Variants in XKR4 observed in about 807,000 individuals in gnomAD.
XKR4 encodes the protein XK-related protein 4.
Under a neutral mutation model 53.9 loss-of-function variants are expected in XKR4, and 12 were observed. The ratio of observed to expected loss-of-function variants is 0.22; its 90% confidence interval spans 0.14 to 0.36. XKR4 has a LOEUF of 0.36. Among genes scored for constraint, XKR4 ranks in the 10% least tolerant of loss-of-function variants. The probability of loss-of-function intolerance (pLI) is 1.00; values close to 1 mark genes in which losing one functional copy is unlikely to be tolerated. For missense variants in XKR4, 799 were observed against 859.5 expected, an observed-to-expected ratio of 0.93 and a Z score of 0.88; for synonymous variants, 354 against 362.4, an observed-to-expected ratio of 0.98 and a Z score of 0.26.
At chr8:55,298,147 T>A (rs1446427553) in intron 1 of XKR4, among the ~76,000 whole-genome samples, 1 of 152,154 alleles carries the variant, frequency 6.6e-6, no homozygotes, top group African/African-American at 2.4e-5. Context: ...AAAATAATGA[T>A]GACAGAATCT....
chr8:55,336,252 A>G (rs910553331), intron 1 of XKR4, among the ~76,000 whole-genome samples: 1 of 151,880 alleles, frequency 6.6e-6, no homozygotes, highest in Non-Finnish European at 1.5e-5. Context: ...ACAAGATCTG[A>G]TGGGTTTATC....
chr8:55,510,317 A>C (rs915876137), intron 2 of XKR4, among the ~76,000 whole-genome samples: 13 of 152,158 alleles, frequency 8.5e-5, no homozygotes, highest in Non-Finnish European at 1.8e-4. Flanking sequence ...TCCAGGCAGA[A>C]GGTGGACGAG....
intron 2 of XKR4, among the ~76,000 whole-genome samples, chr8:55,359,232 G>T (rs1006170994): frequency 2.6e-5 from 4 of 152,210 alleles, no homozygotes; most frequent in Non-Finnish European, 5.9e-5. Context: ...GCGTCTGGTG[G>T]TTGAAGACCA....
At chr8:55,479,718 T>A (rs1806067599) in intron 2 of XKR4, among the ~76,000 whole-genome samples, 1 of 152,112 alleles carries the variant, frequency 6.6e-6, no homozygotes, top group South Asian at 2.1e-4. Context: ...AAAGGGGATA[T>A]CACCACCAAT....
At chr8:55,304,423 G>T (rs571795628) in intron 1 of XKR4, among the ~76,000 whole-genome samples, 7 of 152,220 alleles carry the variant, frequency 4.6e-5, no homozygotes, top group Admixed American at 3.9e-4. Context: ...CCAACTATGT[G>T]GTCAATTTTG....
chr8:55,118,380 T>G (rs1816339143), intron 1 of XKR4, among the ~76,000 whole-genome samples: 1 of 152,174 alleles, frequency 6.6e-6, no homozygotes, highest in Non-Finnish European at 1.5e-5. Context: ...CCCACATATG[T>G]TCATGAATTA....
rs566080435 is a variant in XKR4 at position 55,491,147 on chromosome 8, T to C, written c.1007-32134T>C. 8.9e-4 allele frequency among the ~76,000 whole-genome samples: 135 copies of C among 152,350 alleles called. 1 individual carries two copies. Among genetic ancestry groups the C allele is most frequent in the African/African-American group, 3.2e-3 (133 of 41,586 alleles). ...TCCAGTGTATTTTTTATTTCTGATA[T>C]AACATTTTTCACCTTTAAAGTTTCA... On this transcript the variant is annotated intron_variant, in intron 2 of 2. Coordinates refer to ENST00000327381, the MANE Select transcript of XKR4 (RefSeq NM_052898.2).
chr8:55,113,418 C>T (rs180756215), intron 1 of XKR4, among the ~76,000 whole-genome samples: 301 of 152,208 alleles, frequency 2.0e-3, no homozygotes, highest in African/African-American at 7.0e-3. Flanking sequence ...GTAGGAAAAT[C>T]GTACTGACCT....
rs1193805696 is a variant in XKR4 at position 55,213,865 on chromosome 8, T to C, written c.806+110571T>C. On this transcript the variant is annotated intron_variant, in intron 1 of 2. Coordinates refer to ENST00000327381, the MANE Select transcript of XKR4 (RefSeq NM_052898.2). ...CTTTTTTTCTTTCTTTCTTTTTTTT[T>C]TTTTTTTTTTTTTTTTTTGAGACGA... 3.2e-4 allele frequency among the ~76,000 whole-genome samples: 42 copies of C among 132,938 alleles called. 2 individuals are homozygous for C. Among genetic ancestry groups the C allele is most frequent in the Non-Finnish European group, 4.2e-4 (26 of 61,956 alleles). The allele number at this position is 132,938 out of a possible 152,430, so 87.2% of individuals were successfully genotyped here. A position where few individuals can be genotyped will look rare whatever the true frequency, so the allele number is the denominator to read the frequency against.
chr8:55,289,676 AG>A lies in XKR4; in HGVS notation c.807-68001del, dbSNP rs869223676. Among the ~76,000 whole-genome samples, 51 of 47,228 alleles carry A rather than the reference AG, an allele frequency of 1.1e-3. 1 individual carries two copies. The highest frequency in any genetic ancestry group is 1.5e-3 in the African/African-American group (39 of 25,346). 31.0% of individuals were successfully genotyped at this position (47,228 alleles called of 152,430 possible). On this transcript the variant is annotated intron_variant, in intron 1 of 2. Coordinates refer to ENST00000327381, the MANE Select transcript of XKR4 (RefSeq NM_052898.2). ...AAGGAAGGAAAAGAAAAGAAAAGAAAGAGAAAGAAAGAAAGAAAGAGAAAGA... is the reference window on the plus strand; with the variant it reads ...AAGGAAGGAAAAGAAAAGAAAAGAAAAGAAAGAAAGAAAGAAAGAGAAAGA...
chr8:55,376,806 C>T (rs892703038), intron 2 of XKR4, among the ~76,000 whole-genome samples: 1 of 152,060 alleles, frequency 6.6e-6, no homozygotes, highest in Non-Finnish European at 1.5e-5. Flanking sequence ...GCACTGAGTG[C>T]ATATCATTAA....
At chr8:55,130,206 A>G (rs539051793) in intron 1 of XKR4, among the ~76,000 whole-genome samples, 137 of 151,926 alleles carry the variant, frequency 9.0e-4, no homozygotes, top group African/African-American at 3.2e-3. Flanking sequence ...AAAAAAGCTA[A>G]TAAATAGGTA....
At chr8:55,448,892 TAAAG>T (rs1318614863) in intron 2 of XKR4, among the ~76,000 whole-genome samples, 7 of 152,068 alleles carry the variant, frequency 4.6e-5, no homozygotes, top group African/African-American at 1.7e-4. Context: ...TAAAGAAAAA[TAAAG>T]AGAGTGTTAC....
chr8:55,440,169 A>C (rs1319891184), intron 2 of XKR4, among the ~76,000 whole-genome samples: 4 of 152,188 alleles, frequency 2.6e-5, no homozygotes, highest in Admixed American at 1.3e-4. Context: ...CAAGAGTGAA[A>C]TATATTTTCA....
intron 1 of XKR4, among the ~76,000 whole-genome samples, chr8:55,308,960 G>A (rs1444608304): frequency 6.6e-6 from 1 of 152,222 alleles, no homozygotes; most frequent in Non-Finnish European, 1.5e-5. Flanking sequence ...AGGTTGGAAT[G>A]TTGCAAGTTC....
chr8:55,401,805 TATCA>T (rs1363458555), intron 2 of XKR4, among the ~76,000 whole-genome samples: 1 of 152,256 alleles, frequency 6.6e-6, no homozygotes, highest in Non-Finnish European at 1.5e-5. Context: ...TGGTTACACC[TATCA>T]ATTATCATTA....
chr8:55,269,592 G>A (rs1702592000), intron 1 of XKR4, among the ~76,000 whole-genome samples: 1 of 151,990 alleles, frequency 6.6e-6, no homozygotes, highest in Admixed American at 6.6e-5. Flanking sequence ...AAGGGAGGAG[G>A]GATTATAAAG....
intron 1 of XKR4, among the ~76,000 whole-genome samples, chr8:55,321,294 C>A (rs1301905523): frequency 1.3e-5 from 2 of 152,224 alleles, no homozygotes; most frequent in Non-Finnish European, 2.9e-5. Flanking sequence ...CTTCCCTCAG[C>A]AGGCTCCTTA....
rs372506626 is a variant in XKR4, at chr8:55,103,309, G to T, written c.806+15G>T. ...CAAATCTGGAGGTACTGTAATGGGT[G>T]GGGGAAAAGGGAGGCTTGCTGCTGC... On this transcript the variant is annotated intron_variant, in intron 1 of 2. Coordinates refer to ENST00000327381, the MANE Select transcript of XKR4 (RefSeq NM_052898.2). 1.5e-5 allele frequency: 23 copies of T among 1,572,920 alleles called. No homozygotes were observed. The East Asian group carries it at 1.6e-4, about 11-fold the overall frequency.
Sources: allele counts gnomAD v4.1 joint callset (sites outside exome capture counted in the v4.1 genomes callset), GRCh38; gene constraint gnomAD v4.1.1; transcripts MANE v1.5; gene names NCBI Gene and HGNC (gene_info 2026-07-23, HGNC 2026-07-21).